JPH1: variants seen among roughly 807,000 people sequenced by gnomAD.
JPH1 encodes the protein junctophilin-1.
Under a neutral mutation model 53.6 loss-of-function variants are expected in JPH1, and 12 were observed. That is an observed-to-expected ratio of 0.22 (90% CI 0.14 to 0.36). The LOEUF (loss-of-function observed/expected upper bound fraction) is 0.36. JPH1 is among the 10% of genes least tolerant of loss of function. JPH1 has a pLI of 1.00. For missense variants in JPH1, 808 were observed against 905.5 expected (o/e 0.89, Z 1.38); for synonymous variants, 375 against 363.8 (o/e 1.03, Z -0.35).
intron 3 of JPH1, 31 bp downstream of exon 3, chr8:74,259,354 T>TTTGATGGGTGAG: frequency 1.3e-6 from 2 of 1,522,080 alleles, no homozygotes; most frequent in Non-Finnish European, 1.8e-6. Flanking sequence ...CCAGTGCTCC[T>TTTGATGGGTGAG]GCCTCACCCA....
chr8:74,243,137 T>C (rs1050749291), intron 4 of JPH1, among the ~76,000 whole-genome samples: 10 of 152,184 alleles, frequency 6.6e-5, no homozygotes, highest in East Asian at 3.9e-4. Flanking sequence ...AAACTAACAC[T>C]GATATATGCG....
At chr8:74,318,530 A>C (rs1401400409) in intron 1 of JPH1, among the ~76,000 whole-genome samples, 2 of 152,228 alleles carry the variant, frequency 1.3e-5, no homozygotes, top group African/African-American at 4.8e-5. Flanking sequence ...GGATTTCATG[A>C]GTATGATACT....
intron 2 of JPH1, among the ~76,000 whole-genome samples, chr8:74,312,630 T>A (rs748111487): frequency 1.3e-5 from 2 of 152,014 alleles, no homozygotes; most frequent in Non-Finnish European, 2.9e-5. Flanking sequence ...AATGTATTCA[T>A]CTTGAGTAAC....
chr8:74,280,064 T>A (rs1806966617), intron 2 of JPH1, among the ~76,000 whole-genome samples: 1 of 152,160 alleles, frequency 6.6e-6, no homozygotes, highest in Admixed American at 6.6e-5. Flanking sequence ...CTAACTAAAC[T>A]TTCCTATCAT....
chr8:74,316,751 C>T (rs534409159), intron 1 of JPH1, among the ~76,000 whole-genome samples: 1 of 152,172 alleles, frequency 6.6e-6, no homozygotes, highest in East Asian at 1.9e-4. Context: ...GAATTTTTTG[C>T]TACTAAATAA....
intron 2 of JPH1, among the ~76,000 whole-genome samples, chr8:74,307,367 A>G (rs897303225): frequency 6.6e-6 from 1 of 152,240 alleles, no homozygotes; most frequent in Non-Finnish European, 1.5e-5. Flanking sequence ...AGGGTAAGGT[A>G]ATAATTGCTC....
chr8:74,278,756 G>C (rs1407715806), intron 2 of JPH1, among the ~76,000 whole-genome samples: 1 of 152,194 alleles, frequency 6.6e-6, no homozygotes, highest in Non-Finnish European at 1.5e-5. Context: ...AGCGATGACA[G>C]AGAAATAGGA....
intron 2 of JPH1, among the ~76,000 whole-genome samples, chr8:74,313,378 C>A (rs1273826497): frequency 6.6e-6 from 1 of 151,782 alleles, no homozygotes; most frequent in Non-Finnish European, 1.5e-5. Context: ...AGAGAGAGAC[C>A]CTTCATTAAA....
intron 2 of JPH1, among the ~76,000 whole-genome samples, chr8:74,284,079 G>C (rs768231395): frequency 7.9e-5 from 12 of 152,136 alleles, no homozygotes; most frequent in Non-Finnish European, 1.8e-4. Context: ...AGGCCAGCTG[G>C]GGAGGGCTGT....
intron 2 of JPH1, among the ~76,000 whole-genome samples, chr8:74,300,724 A>G (rs1807656498): frequency 6.6e-6 from 1 of 152,178 alleles, no homozygotes; most frequent in Admixed American, 6.5e-5. Context: ...TTCTATAAGA[A>G]GCATTGGTAT....
chr8:74,260,928 A>G (rs886951944), intron 2 of JPH1, among the ~76,000 whole-genome samples: 1 of 152,198 alleles, frequency 6.6e-6, no homozygotes, highest in African/African-American at 2.4e-5. Flanking sequence ...ATAATCCCAA[A>G]GTGCAGAACG....
At chr8:74,293,623 T>C (rs139521391) in intron 2 of JPH1, among the ~76,000 whole-genome samples, 16 of 152,332 alleles carry the variant, frequency 1.1e-4, no homozygotes, top group Non-Finnish European at 1.9e-4. Flanking sequence ...CAGGCTGTCA[T>C]GTTAAAGATT....
intron 2 of JPH1, among the ~76,000 whole-genome samples, chr8:74,300,403 C>T (rs1176608637): frequency 2.6e-5 from 4 of 152,200 alleles, no homozygotes; most frequent in African/African-American, 7.2e-5. Flanking sequence ...CTTGTGTGTG[C>T]GTTGTGGGGG....
intron 2 of JPH1, among the ~76,000 whole-genome samples, chr8:74,299,049 G>GC: frequency 6.6e-6 from 1 of 152,310 alleles, no homozygotes; most frequent in Non-Finnish European, 1.5e-5. Context: ...GACCTTTACT[G>GC]CCTTTGAGGG....
Position 74,237,005 on chromosome 8 carries a change from G to T in JPH1, c.*46C>A. 4.0e-6 allele frequency: 2 copies of T among 502,688 alleles called. No individual in the cohort carries two copies. The highest frequency in any genetic ancestry group is 7.1e-6 in the Non-Finnish European group (2 of 280,690). 31.1% of individuals were successfully genotyped at this position (502,688 alleles called of 1,614,324 possible). A position where few individuals can be genotyped will look rare whatever the true frequency, so the allele number is the denominator to read the frequency against. On this transcript the variant is annotated 3_prime_UTR_variant, in exon 6 of 6. Coordinates refer to ENST00000342232, the MANE Select transcript of JPH1 (RefSeq NM_020647.4). ...GACGGCACCACTGCAGAGAACTGTG[G>T]GCTAACACACCACTAGTTGTCAGGA...
intron 2 of JPH1, among the ~76,000 whole-genome samples, chr8:74,302,579 G>C (rs1807713998): frequency 6.6e-6 from 1 of 152,170 alleles, no homozygotes; most frequent in Non-Finnish European, 1.5e-5. Context: ...TATGGAACTT[G>C]AGTGTAATCG....
chr8:74,245,246 TA>T (rs1805824843), intron 3 of JPH1, 71 bp from the exon 4 acceptor site: 1 of 1,296,256 alleles, frequency 7.7e-7, no homozygotes, highest in Non-Finnish European at 1.0e-6. Context: ...TAAATCAGAT[TA>T]ACCTTTTCTC....
At chr8:74,286,100 T>G (rs942736591) in intron 2 of JPH1, among the ~76,000 whole-genome samples, 1 of 152,212 alleles carries the variant, frequency 6.6e-6, no homozygotes, top group Non-Finnish European at 1.5e-5. Flanking sequence ...TAGCCTTTCA[T>G]ATGCAATGCT....
At chr8:74,261,910 G>A (rs1489608569) in intron 2 of JPH1, among the ~76,000 whole-genome samples, 1 of 152,190 alleles carries the variant, frequency 6.6e-6, no homozygotes, top group Non-Finnish European at 1.5e-5. Flanking sequence ...TAAAACAGCA[G>A]TAGTATATCT....
Sources: allele counts gnomAD v4.1 joint callset (sites outside exome capture counted in the v4.1 genomes callset), GRCh38; gene constraint gnomAD v4.1.1; transcripts MANE v1.5; gene names NCBI Gene and HGNC (gene_info 2026-07-23, HGNC 2026-07-21).